RBFOX1: variants seen among roughly 807,000 people sequenced by gnomAD.
RBFOX1 encodes RNA binding protein fox-1 homolog 1.
A neutral mutation model predicts 57.7 loss-of-function variants in RBFOX1; 8 were observed. The observed-to-expected ratio is 0.14, with a 90% CI of 0.08 to 0.25. RBFOX1 has a LOEUF of 0.25. Among genes scored for constraint, RBFOX1 ranks in the 10% least tolerant of loss-of-function variants. The pLI is 1.00. For synonymous variants in RBFOX1, 326 were observed against 222.4 expected (o/e 1.47, Z -4.15); for missense variants, 611 against 548.5 (o/e 1.11, Z -1.14).
At chr16:7,223,875 A>T (rs1003493010) in intron 4 of RBFOX1, among the ~76,000 whole-genome samples, 5 of 151,928 alleles carry the variant, frequency 3.3e-5, no homozygotes, top group Admixed American at 1.3e-4. Context: ...TAAATCTGTT[A>T]TGGCTGGTTG....
intron 1 of RBFOX1, among the ~76,000 whole-genome samples, chr16:6,067,745 G>C (rs937094358): frequency 6.6e-6 from 1 of 152,012 alleles, no homozygotes. Context: ...CTGAGGATGG[G>C]AAAAAAATAT....
intron 3 of RBFOX1, chr16:6,704,675 A>T (rs758239177): frequency 6.6e-6 from 1 of 152,296 alleles, no homozygotes; most frequent in Non-Finnish European, 1.5e-5. Flanking sequence ...CTAACTGCCT[A>T]TTTATCCCAA....
chr16:5,440,293 A>C (rs535056149), intron 1 of RBFOX1, among the ~76,000 whole-genome samples: 2 of 152,318 alleles, frequency 1.3e-5, no homozygotes, highest in South Asian at 4.1e-4. Flanking sequence ...TTATATATTC[A>C]CATCCAAGTT....
chr16:7,095,300 G>A (rs1029182334), intron 4 of RBFOX1, among the ~76,000 whole-genome samples: 5 of 151,910 alleles, frequency 3.3e-5, no homozygotes, highest in Admixed American at 1.3e-4. Context: ...ACTGTGCCTG[G>A]TTCATTTTTG....
intron 3 of RBFOX1, among the ~76,000 whole-genome samples, chr16:7,024,072 C>G (rs181511884): frequency 2.0e-5 from 3 of 152,262 alleles, no homozygotes; most frequent in Non-Finnish European, 4.4e-5. Flanking sequence ...GATTTCTTAA[C>G]AGCAGGGTGT....
intron 3 of RBFOX1, among the ~76,000 whole-genome samples, chr16:6,727,130 A>ATG (rs1186278686): frequency 2.7e-5 from 4 of 150,340 alleles, no homozygotes; most frequent in Non-Finnish European, 5.9e-5. Context: ...GTGTGTATAT[A>ATG]TAAAACATGT....
chr16:7,380,277 A>C (rs74012505), intron 4 of RBFOX1, among the ~76,000 whole-genome samples: 2,461 of 152,248 alleles, frequency 0.016, 75 homozygotes, highest in African/African-American at 0.056. Flanking sequence ...CGTATAAAAT[A>C]AAAAATGTTT....
intron 2 of RBFOX1, among the ~76,000 whole-genome samples, chr16:6,539,512 G>C (rs181627068): frequency 6.6e-6 from 1 of 151,912 alleles, no homozygotes; most frequent in Non-Finnish European, 1.5e-5. Context: ...AAACACACAC[G>C]TACAGTCAGG....
rs1315029976 is a variant in RBFOX1 at position 7,535,115 on chromosome 16, T to C, written c.270+16726T>C. 3.3e-5 allele frequency among the ~76,000 whole-genome samples: 5 copies of C among 152,338 alleles called. No homozygotes were observed. The East Asian group carries it at 9.6e-4, about 29-fold the overall frequency. ...TTTTATTAACCGCTTTTATATTCCC[T>C]TGTGCATGGCTATGATGCTATGAAA... On this transcript the variant is annotated intron_variant, in intron 5 of 15. Coordinates refer to ENST00000550418, the MANE Select transcript of RBFOX1 (RefSeq NM_018723.4).
intron 2 of RBFOX1, among the ~76,000 whole-genome samples, chr16:6,628,808 G>T (rs559809251): frequency 6.6e-6 from 1 of 152,144 alleles, no homozygotes; most frequent in African/African-American, 2.4e-5. Flanking sequence ...GGTATGATCT[G>T]TATGTTTATT....
At chr16:6,135,731 C>G (rs539247536) in intron 1 of RBFOX1, among the ~76,000 whole-genome samples, 2 of 150,234 alleles carry the variant, frequency 1.3e-5, no homozygotes, top group Non-Finnish European at 3.0e-5. Flanking sequence ...CAACAAAAAT[C>G]TCAAGTGTGG....
At chr16:6,889,764 C>G (rs753458177) in intron 3 of RBFOX1, among the ~76,000 whole-genome samples, 2 of 152,158 alleles carry the variant, frequency 1.3e-5, no homozygotes, top group African/African-American at 4.8e-5. Flanking sequence ...GTGGTAAAAA[C>G]CAGCATTTTT....
chr16:6,283,509 G>C (rs971345251), intron 1 of RBFOX1, among the ~76,000 whole-genome samples: 1 of 152,104 alleles, frequency 6.6e-6, no homozygotes, highest in Admixed American at 6.5e-5. Flanking sequence ...TTATGGCACT[G>C]GTTGAACTTC....
intron 4 of RBFOX1, among the ~76,000 whole-genome samples, chr16:7,247,693 A>G (rs1047343343): frequency 3.3e-5 from 5 of 152,214 alleles, no homozygotes; most frequent in Non-Finnish European, 7.3e-5. Context: ...ATTTAGCTGA[A>G]ATGGAATACG....
chr16:6,610,839 C>G (rs1469108018), intron 2 of RBFOX1, among the ~76,000 whole-genome samples: 1 of 152,152 alleles, frequency 6.6e-6, no homozygotes, highest in Non-Finnish European at 1.5e-5. Flanking sequence ...ATACATACCA[C>G]TTATGAATTG....
chr16:7,269,895 G>A (rs548437502), intron 4 of RBFOX1, among the ~76,000 whole-genome samples: 6 of 152,242 alleles, frequency 3.9e-5, no homozygotes, highest in Middle Eastern at 3.4e-3. Context: ...TTAGCATACC[G>A]TTTAATCTAG....
chr16:7,269,191 C>A (rs911852950), intron 4 of RBFOX1, among the ~76,000 whole-genome samples: 2 of 151,592 alleles, frequency 1.3e-5, no homozygotes, highest in South Asian at 4.2e-4. Flanking sequence ...CCAGAATATA[C>A]AGCACGTTGG....
At chr16:5,450,073 G>C (rs2068375369) in intron 1 of RBFOX1, among the ~76,000 whole-genome samples, 1 of 152,200 alleles carries the variant, frequency 6.6e-6, no homozygotes, top group Admixed American at 6.5e-5. Context: ...ACTTGGATCT[G>C]AGAAAGCAGG....
At chr16:7,241,758 C>G (rs937005212) in intron 4 of RBFOX1, among the ~76,000 whole-genome samples, 2 of 151,930 alleles carry the variant, frequency 1.3e-5, no homozygotes, top group African/African-American at 2.4e-5. Context: ...TGCCCATTTT[C>G]TCATCCCCCC....
Sources: allele counts gnomAD v4.1 joint callset (sites outside exome capture counted in the v4.1 genomes callset), GRCh38; gene constraint gnomAD v4.1.1; transcripts MANE v1.5; gene names NCBI Gene and HGNC (gene_info 2026-07-23, HGNC 2026-07-21).